Variants in CCSER1 observed in about 807,000 individuals in gnomAD.
The protein encoded by CCSER1 is coiled-coil serine rich protein 1.
In CCSER1, 41 loss-of-function variants were observed where a neutral mutation model predicts 82.0. That is an observed-to-expected ratio of 0.50 (90% CI 0.39 to 0.65). The LOEUF (loss-of-function observed/expected upper bound fraction) is 0.65, where lower values mean the gene tolerates loss of function less well. Among genes scored for constraint, CCSER1 ranks in the 30% least tolerant of loss-of-function variants. CCSER1 has a pLI of 0.00. For missense variants in CCSER1, 1,119 were observed against 1,064.2 expected, an observed-to-expected ratio of 1.05 and a Z score of -0.72; for synonymous variants, 414 against 383.9, an observed-to-expected ratio of 1.08 and a Z score of -0.92.
At chr4:90,917,609 A>G (rs1205547685) in intron 8 of CCSER1, among the ~76,000 whole-genome samples, 1 of 152,140 alleles carries the variant, frequency 6.6e-6, no homozygotes, top group African/African-American at 2.4e-5. Context: ...ACATGTATAC[A>G]TATGTAACAA....
At chr4:90,410,338 GCACCA>G (rs1754517623) in intron 4 of CCSER1, among the ~76,000 whole-genome samples, 2 of 152,116 alleles carry the variant, frequency 1.3e-5, no homozygotes, top group South Asian at 4.2e-4. Context: ...ATTCTTTTCA[GCACCA>G]CACCACACCT....
chr4:91,484,916 G>A (rs1221994539), intron 10 of CCSER1, among the ~76,000 whole-genome samples: 1 of 152,112 alleles, frequency 6.6e-6, no homozygotes, highest in Non-Finnish European at 1.5e-5. Flanking sequence ...AGTTAAAATG[G>A]TAGCATTGTC....
intron 10 of CCSER1, among the ~76,000 whole-genome samples, chr4:91,388,528 T>C (rs1168646616): frequency 1.3e-5 from 2 of 152,064 alleles, no homozygotes; most frequent in African/African-American, 4.8e-5. Flanking sequence ...TCACCAATGA[T>C]TGAGGGTTCC....
chr4:91,019,492 G>A (rs1377024183), intron 9 of CCSER1, among the ~76,000 whole-genome samples: 5 of 152,030 alleles, frequency 3.3e-5, no homozygotes, highest in Non-Finnish European at 5.9e-5. Context: ...TGAGAGCATA[G>A]TAAACAACAT....
intron 5 of CCSER1, among the ~76,000 whole-genome samples, chr4:90,626,466 T>C (rs1488635048): frequency 2.0e-5 from 3 of 152,212 alleles, no homozygotes; most frequent in Non-Finnish European, 4.4e-5. Flanking sequence ...AATGACTGTA[T>C]AGTTCGTTGC....
intron 9 of CCSER1, among the ~76,000 whole-genome samples, chr4:90,963,943 G>A (rs1029671652): frequency 6.6e-6 from 1 of 152,134 alleles, no homozygotes; most frequent in African/African-American, 2.4e-5. Context: ...TGTTAATAAA[G>A]AATTTCTGGG....
intron 5 of CCSER1, among the ~76,000 whole-genome samples, chr4:90,578,540 G>T (rs1305490290): frequency 6.6e-6 from 1 of 152,182 alleles, no homozygotes; most frequent in African/African-American, 2.4e-5. Context: ...TTCTCTTAGA[G>T]AATAGGCAAA....
intron 10 of CCSER1, among the ~76,000 whole-genome samples, chr4:91,478,627 C>T (rs1235506270): frequency 6.6e-6 from 1 of 151,750 alleles, no homozygotes; most frequent in Non-Finnish European, 1.5e-5. Flanking sequence ...TATAGTATGA[C>T]ATCTGCAAAA....
chr4:90,365,339 A>G (rs1746100682), intron 3 of CCSER1, among the ~76,000 whole-genome samples: 1 of 151,828 alleles, frequency 6.6e-6, no homozygotes, highest in South Asian at 2.1e-4. Context: ...TTCTAATACC[A>G]TATTTACATA....
chr4:91,200,227 C>T (rs1463717761), intron 10 of CCSER1, among the ~76,000 whole-genome samples: 1 of 151,878 alleles, frequency 6.6e-6, no homozygotes, highest in Non-Finnish European at 1.5e-5. Flanking sequence ...AGATTGTTTT[C>T]AAATTATTTT....
intron 10 of CCSER1, among the ~76,000 whole-genome samples, chr4:91,552,594 C>A (rs1762206770): frequency 6.6e-6 from 1 of 151,540 alleles, no homozygotes; most frequent in Admixed American, 6.6e-5. Context: ...AAAGGAACTA[C>A]AGTAGTTCAT....
intron 6 of CCSER1, among the ~76,000 whole-genome samples, chr4:90,718,798 A>G: frequency 6.6e-6 from 1 of 152,064 alleles, no homozygotes; most frequent in East Asian, 1.9e-4. Flanking sequence ...TTAATTGGGG[A>G]ATAGTTTTAT....
intron 5 of CCSER1, among the ~76,000 whole-genome samples, chr4:90,480,285 T>C (rs999445729): frequency 6.6e-6 from 1 of 152,238 alleles, no homozygotes; most frequent in Middle Eastern, 3.2e-3. Flanking sequence ...TAGCCCTTTG[T>C]CACATAAATA....
At chr4:90,415,915 A>T (rs374258923) in intron 4 of CCSER1, among the ~76,000 whole-genome samples, 35 of 152,312 alleles carry the variant, frequency 2.3e-4, no homozygotes, top group East Asian at 1.5e-3. Flanking sequence ...TTTAATTCTT[A>T]CCCTGACTTC....
intron 10 of CCSER1, among the ~76,000 whole-genome samples, chr4:91,158,584 T>C (rs2148970056): frequency 6.6e-6 from 1 of 151,802 alleles, no homozygotes; most frequent in East Asian, 1.9e-4. Context: ...AATGGGAAAA[T>C]TGGGAAATTT....
At chr4:90,955,541 T>C (rs2150362545) in intron 9 of CCSER1, among the ~76,000 whole-genome samples, 1 of 152,268 alleles carries the variant, frequency 6.6e-6, no homozygotes, top group South Asian at 2.1e-4. Flanking sequence ...ATTTAAGTAG[T>C]ATATTGGGGT....
At position 90,254,974 on chromosome 4, in the gene CCSER1, TA is replaced by T. The variant is rs538392955; in HGVS notation, c.-41-53269del. 1.2e-4 allele frequency among the ~76,000 whole-genome samples: 17 copies of T among 139,364 alleles called. No individual in the cohort carries two copies. In the South Asian group the frequency reaches 2.5e-3, roughly 20 times the overall value. The allele number at this position is 139,364 out of a possible 152,430, so 91.4% of individuals were successfully genotyped here. ...ATGTTGATATACATATCAACATATA[TA>T]TCAACACACACACACACACACACAC... is the stretch of plus-strand genomic sequence containing the variant. On this transcript the variant is annotated intron_variant, in intron 1 of 10. Coordinates refer to ENST00000509176, the MANE Select transcript of CCSER1 (RefSeq NM_001145065.2).
chr4:90,314,580 A>G (rs967843337), intron 3 of CCSER1, among the ~76,000 whole-genome samples: 11 of 151,688 alleles, frequency 7.3e-5, no homozygotes, highest in Non-Finnish European at 1.2e-4. Context: ...AATATTGAGA[A>G]CTCATCTCTA....
At chr4:91,270,475 C>T (rs903627121) in intron 10 of CCSER1, among the ~76,000 whole-genome samples, 66 of 151,992 alleles carry the variant, frequency 4.3e-4, no homozygotes, top group African/African-American at 1.6e-3. Flanking sequence ...TTTCTTTTTC[C>T]TTTCTTTCAT....
Sources: allele counts gnomAD v4.1 joint callset (sites outside exome capture counted in the v4.1 genomes callset), GRCh38; gene constraint gnomAD v4.1.1; transcripts MANE v1.5; gene names NCBI Gene and HGNC (gene_info 2026-07-23, HGNC 2026-07-21).